Variants in NAA16 observed in about 807,000 individuals in gnomAD.
NAA16 encodes the protein N-alpha-acetyltransferase 16, NatA auxiliary subunit.
NAA16 carries 97 observed loss-of-function variants against 110.3 expected under a neutral mutation model. The observed-to-expected ratio is 0.88, with a 90% CI of 0.75 to 1.04. NAA16 has a LOEUF of 1.04. NAA16 is among the 50% of genes least tolerant of loss of function. The probability of loss-of-function intolerance (pLI) is 0.00; values close to 1 mark genes in which losing one functional copy is unlikely to be tolerated. For synonymous variants in NAA16, 372 were observed against 330.6 expected (o/e 1.13, Z -1.36); for missense variants, 1,017 against 1,005.1 (o/e 1.01, Z -0.16).
chr13:41,372,982 T>C, intron 17 of NAA16, 152 bp downstream of exon 17: 1 of 1,102,132 alleles, frequency 9.1e-7, no homozygotes, highest in Non-Finnish European at 1.2e-6. Context: ...AATCCTCTGA[T>C]CATGGCCCAA....
intron 4 of NAA16, among the ~76,000 whole-genome samples, chr13:41,322,594 A>G (rs1364367342): frequency 6.6e-6 from 1 of 152,236 alleles, no homozygotes; most frequent in Non-Finnish European, 1.5e-5. Flanking sequence ...GAGAAGCAAC[A>G]GTAAAAATAA....
chr13:41,339,643 C>T (rs188517769), intron 9 of NAA16, among the ~76,000 whole-genome samples: 10 of 152,158 alleles, frequency 6.6e-5, no homozygotes, highest in Admixed American at 4.6e-4. Context: ...CTGCAACCTC[C>T]GCCTTCCGGG....
chr13:41,367,583 ATTGAAATATAC>A lies in NAA16; in HGVS notation c.1692_1702del (p.Tyr565ValfsTer2). ...TTATTTCAAGGCTGCTAGATCAGCG[ATTGAAATATAC>A]TTGAAATTGTATGATAATCCCTTAA... On this transcript the variant is annotated frameshift_variant, in exon 14 of 20. Transcript: ENST00000379406. LOFTEE classifies it high-confidence loss of function. The A allele has an allele frequency of 6.2e-7, 1 of 1,613,348 alleles. No homozygotes were observed. The highest frequency in any genetic ancestry group is 8.5e-7 in the Non-Finnish European group (1 of 1,179,680).
intron 9 of NAA16, among the ~76,000 whole-genome samples, chr13:41,350,203 C>T (rs79926311): frequency 6.6e-6 from 1 of 151,668 alleles, no homozygotes; most frequent in Admixed American, 6.6e-5. Context: ...TTGAAGGCTG[C>T]AGTGAACTTA....
intron 15 of NAA16, among the ~76,000 whole-genome samples, chr13:41,371,982 A>T (rs981012066): frequency 6.6e-6 from 1 of 152,142 alleles, no homozygotes; most frequent in African/African-American, 2.4e-5. Context: ...TAATAAAATG[A>T]TCTTGATTTT....
At chr13:41,358,622 T>A in intron 11 of NAA16, 149 bp downstream of exon 11, 1 of 1,446,912 alleles carries the variant, frequency 6.9e-7, no homozygotes, top group Non-Finnish European at 9.1e-7. Flanking sequence ...ATTAATTGTA[T>A]AATCAATGTG....
At chr13:41,351,818 C>T (rs754900785) in intron 9 of NAA16, among the ~76,000 whole-genome samples, 25 of 152,026 alleles carry the variant, frequency 1.6e-4, no homozygotes, top group African/African-American at 3.6e-4. Context: ...GTTTTTGTTG[C>T]GATCTCAGAT....
intron 9 of NAA16, among the ~76,000 whole-genome samples, chr13:41,344,631 G>A (rs956138442): frequency 1.3e-5 from 2 of 152,140 alleles, no homozygotes; most frequent in Admixed American, 6.5e-5. Flanking sequence ...ATAATTCTTT[G>A]TAATGTAGGG....
chr13:41,369,441 A>C (rs2043272720), intron 15 of NAA16, among the ~76,000 whole-genome samples, 158 bp downstream of exon 15: 1 of 152,212 alleles, frequency 6.6e-6, no homozygotes, highest in African/African-American at 2.4e-5. Flanking sequence ...ACAGTATACA[A>C]ATTTTGGCTA....
chr13:41,369,451 A>C (rs758035171), intron 15 of NAA16, among the ~76,000 whole-genome samples, 168 bp downstream of exon 15: 13 of 152,256 alleles, frequency 8.5e-5, no homozygotes, highest in Admixed American at 2.6e-4. Flanking sequence ...AATTTTGGCT[A>C]ATGCAAGTTA....
At chr13:41,330,673 C>T (rs1034922186) in intron 7 of NAA16, among the ~76,000 whole-genome samples, 1 of 151,912 alleles carries the variant, frequency 6.6e-6, no homozygotes, top group African/African-American at 2.4e-5. Context: ...TTATGTGGTA[C>T]TATAAAATTA....
chr13:41,372,663 A>G, intron 16 of NAA16, 69 bp from the exon 17 acceptor site: 3 of 1,422,018 alleles, frequency 2.1e-6, no homozygotes, highest in Non-Finnish European at 2.8e-6. Flanking sequence ...CTTAAGTGAG[A>G]CTGAAATAAA....
intron 14 of NAA16, among the ~76,000 whole-genome samples, chr13:41,368,387 G>A (rs1360547122): frequency 6.6e-6 from 1 of 152,166 alleles, no homozygotes; most frequent in Non-Finnish European, 1.5e-5. Flanking sequence ...ATTCTTGAAA[G>A]ACTTGATACT....
At chr13:41,366,928 T>G (rs943589660) in intron 13 of NAA16, among the ~76,000 whole-genome samples, 1 of 152,200 alleles carries the variant, frequency 6.6e-6, no homozygotes, top group Admixed American at 6.6e-5. Flanking sequence ...GGGCAAATAC[T>G]GTGCTTACTG....
chr13:41,366,677 C>T (rs570264351), intron 13 of NAA16, among the ~76,000 whole-genome samples: 1 of 152,204 alleles, frequency 6.6e-6, no homozygotes, highest in East Asian at 1.9e-4. Flanking sequence ...ACATAGACTC[C>T]AGTTTCAGAA....
At chr13:41,363,861 AG>A (rs1354025895) in intron 13 of NAA16, among the ~76,000 whole-genome samples, 3 of 152,264 alleles carry the variant, frequency 2.0e-5, no homozygotes, top group African/African-American at 7.2e-5. Context: ...CTCTTATACC[AG>A]TTGTAAGCTA....
chr13:41,348,440 G>A lies in NAA16; in HGVS notation c.1015-6704G>A, dbSNP rs866767035. On this transcript the variant is annotated intron_variant, in intron 9 of 19. Coordinates refer to ENST00000379406, the MANE Select transcript of NAA16 (RefSeq NM_024561.5). The stretch of plus-strand genomic sequence containing the variant: ...CACCTTTCAAAGTGCTGGGATTACA[G>A]GTGTGAGCCACCACTCCTGGCTGAT... Among the ~76,000 whole-genome samples the A allele has an allele frequency of 4.6e-5, 7 of 152,282 alleles. 1 individual carries two copies. In the Middle Eastern group the frequency reaches 0.024, roughly 518 times the overall value.
At chr13:41,317,472 G>C (rs532643585) in intron 2 of NAA16, among the ~76,000 whole-genome samples, 1 of 152,184 alleles carries the variant, frequency 6.6e-6, no homozygotes, top group South Asian at 2.1e-4. Flanking sequence ...TTCAGTAACA[G>C]CCAGTGTTAG....
intron 4 of NAA16, among the ~76,000 whole-genome samples, chr13:41,322,223 A>G (rs1291961349): frequency 1.3e-5 from 2 of 149,970 alleles, no homozygotes; most frequent in African/African-American, 2.4e-5. Context: ...CTCTAAAGAA[A>G]AAAAGGAGAG....
Sources: gnomAD v4.1 joint callset for allele counts (sites outside exome capture counted in the v4.1 genomes callset) on GRCh38, gnomAD v4.1.1 for gene constraint, MANE v1.5 for transcripts, NCBI Gene and HGNC (gene_info 2026-07-23, HGNC 2026-07-21) for gene names.